DBX2: variants seen among roughly 807,000 people sequenced by gnomAD.
DBX2 encodes the protein homeobox protein DBX2.
A neutral mutation model predicts 17.7 loss-of-function variants in DBX2; 16 were observed. The ratio of observed to expected loss-of-function variants is 0.90; its 90% CI spans 0.61 to 1.37. DBX2 has a LOEUF of 1.37. DBX2 is among the 40% of genes most tolerant of loss of function. The pLI is 0.00. For synonymous variants in DBX2, 255 were observed against 183.8 expected, an observed-to-expected ratio of 1.39 and a Z score of -3.13; for missense variants, 538 against 433.8, an observed-to-expected ratio of 1.24 and a Z score of -2.13.
intron 1 of DBX2, among the ~76,000 whole-genome samples, chr12:45,050,127 C>T (rs1035278850): frequency 1.3e-5 from 2 of 152,174 alleles, no homozygotes; most frequent in Admixed American, 1.3e-4. Flanking sequence ...TTTCTGAGAG[C>T]TGGTGTCGTG....
chr12:45,050,557 TC>T lies in DBX2; in HGVS notation c.370del (p.Asp124ThrfsTer19). On this transcript the variant is annotated frameshift_variant, in exon 1 of 4. Transcript: ENST00000332700. LOFTEE classifies it high-confidence loss of function. ...TGAAGGCTGGAAGGTACAGTCTCGG[TC>T]CCCCGGAGCCCGGCCCGGCAGCCTC... The part of the protein sequence containing the change: ...SARLPGRAPG[D>X]RDCTFQPSAP... 1 of 1,551,456 alleles carries T rather than the reference TC, an allele frequency of 6.4e-7. No individual in the cohort carries two copies. Among genetic ancestry groups the T allele is most frequent in the Non-Finnish European group, 8.7e-7 (1 of 1,148,810 alleles).
chr12:45,040,638 G>T (rs1946466035), intron 1 of DBX2, among the ~76,000 whole-genome samples: 1 of 152,048 alleles, frequency 6.6e-6, no homozygotes, highest in Admixed American at 6.6e-5. Flanking sequence ...TATTTAAGAT[G>T]GGAACTTATA....
chr12:45,028,152 A>C (rs1449837777), intron 2 of DBX2, among the ~76,000 whole-genome samples: 1 of 152,200 alleles, frequency 6.6e-6, no homozygotes, highest in Non-Finnish European at 1.5e-5. Flanking sequence ...AGATCTAAGA[A>C]TCTCACACAA....
chr12:45,045,386 T>C (rs1454550429), intron 1 of DBX2, among the ~76,000 whole-genome samples: 1 of 152,244 alleles, frequency 6.6e-6, no homozygotes, highest in African/African-American at 2.4e-5. Flanking sequence ...TGTTTAAATG[T>C]TTTAAATAAC....
At chr12:45,039,326 T>TATATATAA (rs1946458913) in intron 1 of DBX2, among the ~76,000 whole-genome samples, 1 of 139,192 alleles carries the variant, frequency 7.2e-6, no homozygotes, top group Non-Finnish European at 1.6e-5. Flanking sequence ...TATATATGTA[T>TATATATAA]CACACTTTTA....
At chr12:45,036,654 T>G (rs1946442762) in intron 1 of DBX2, among the ~76,000 whole-genome samples, 1 of 152,234 alleles carries the variant, frequency 6.6e-6, no homozygotes, top group African/African-American at 2.4e-5. Context: ...TTAAATGTTA[T>G]GTGCTTACAT....
At chr12:45,030,282 C>G (rs1012310713) in intron 2 of DBX2, among the ~76,000 whole-genome samples, 1 of 152,196 alleles carries the variant, frequency 6.6e-6, no homozygotes, top group Non-Finnish European at 1.5e-5. Context: ...TTCTAAACAT[C>G]AGACCAAGAG....
At chr12:45,028,756 T>A (rs1273943309) in intron 2 of DBX2, among the ~76,000 whole-genome samples, 3 of 152,180 alleles carry the variant, frequency 2.0e-5, no homozygotes, top group Non-Finnish European at 4.4e-5. Flanking sequence ...CAGTGCCCTA[T>A]AACAAACAAG....
chr12:45,017,927 C>A (rs751722472), intron 3 of DBX2, among the ~76,000 whole-genome samples: 11 of 152,148 alleles, frequency 7.2e-5, no homozygotes, highest in Non-Finnish European at 1.5e-4. Flanking sequence ...CCAAGTATTT[C>A]TCTCAGTGAA....
At position 45,026,976 on chromosome 12, in the gene DBX2, T is replaced by C. The variant is rs569726470; in HGVS notation, c.500-3082A>G. Among the ~76,000 whole-genome samples, 345 of 152,328 alleles carry C rather than the reference T, an allele frequency of 2.3e-3. 4 individuals carry two copies. In the South Asian group the frequency reaches 0.024, roughly 11 times the overall value. On this transcript the variant is annotated intron_variant, in intron 2 of 3. Coordinates refer to ENST00000332700, the MANE Select transcript of DBX2 (RefSeq NM_001004329.3). ...CAGACTTTGACAACTAGATTCACTA[T>C]TCTTTATCAGGGATTTAAGCAGTTT...
intron 2 of DBX2, among the ~76,000 whole-genome samples, chr12:45,028,436 G>C (rs1280717237): frequency 2.0e-5 from 3 of 151,888 alleles, no homozygotes; most frequent in African/African-American, 7.3e-5. Context: ...GTATAAGTAA[G>C]TCCCAAGATT....
Position 45,023,733 on chromosome 12 carries a change from T to C in DBX2, c.661A>G (p.Ile221Val), listed in dbSNP as rs772252098. The change falls in exon 3 of 4, where the codon ATC (isoleucine) becomes GTC (valine). Residue 221 changes from isoleucine to valine, a missense_variant. Ile to Val is a conservative substitution (Grantham distance 29). Transcript: ENST00000332700. ...ISKTDRKKLAINLGLKESQVK... is the reference protein window; with the variant it reads ...ISKTDRKKLAVNLGLKESQVK... ...TGTGATTCCTTTAGTCCCAAGTTGATGGCAAGTTTCTTTCGGTCTGTTTTG... is the reference window on the plus strand; with the variant it reads ...TGTGATTCCTTTAGTCCCAAGTTGACGGCAAGTTTCTTTCGGTCTGTTTTG... The C allele has an allele frequency of 3.1e-6, 5 of 1,614,080 alleles. No individual in the cohort carries two copies. The Admixed American group carries it at 5.0e-5, about 16-fold the overall frequency.
chr12:45,050,898 G>T lies in DBX2; in HGVS notation c.30C>A (p.Ala10=). MLPSAVAAH[A]GAYWDVVASS... ...AAGCCACAACGTCCCAGTACGCACC[G>T]GCGTGGGCTGCGACCGCGCTGGGGA... The change falls in exon 1 of 4, where the codon GCC becomes GCA. Residue 10 remains alanine (A), a synonymous_variant. Coordinates refer to ENST00000332700, the MANE Select transcript of DBX2 (RefSeq NM_001004329.3). 1.3e-6 allele frequency: 2 copies of T among 1,514,334 alleles called. No homozygotes were observed. Among genetic ancestry groups the T allele is most frequent in the African/African-American group, 1.4e-5 (1 of 69,924 alleles). The allele number at this position is 1,514,334 out of a possible 1,614,324, so 93.8% of individuals were successfully genotyped here. A position where few individuals can be genotyped will look rare whatever the true frequency, so the allele number is the denominator to read the frequency against.
At chr12:45,039,307 A>G (rs911473234) in intron 1 of DBX2, among the ~76,000 whole-genome samples, 3 of 105,966 alleles carry the variant, frequency 2.8e-5, no homozygotes, top group Middle Eastern at 4.3e-3. Flanking sequence ...ATATATATAT[A>G]TATATATATA....
intron 2 of DBX2, among the ~76,000 whole-genome samples, chr12:45,031,966 A>T (rs1946413117): frequency 6.6e-6 from 1 of 152,098 alleles, no homozygotes; most frequent in South Asian, 2.1e-4. Flanking sequence ...TATAGACAAG[A>T]TCAGAGAAAA....
chr12:45,037,081 T>C (rs1399040806), intron 1 of DBX2, among the ~76,000 whole-genome samples: 2 of 152,184 alleles, frequency 1.3e-5, no homozygotes, highest in African/African-American at 2.4e-5. Flanking sequence ...ATTTTGACTA[T>C]AAAACCATCA....
rs1257505216 is a variant in DBX2, at chr12:45,015,140, T to C, written c.*1146A>G. The C allele has an allele frequency of 2.0e-5, 3 of 152,232 alleles. No homozygotes were observed. The highest frequency in any genetic ancestry group is 2.0e-4 in the Admixed American group (3 of 15,280). 9.4% of individuals were successfully genotyped at this position (152,232 alleles called of 1,614,324 possible). A position where few individuals can be genotyped will look rare whatever the true frequency, so the allele number is the denominator to read the frequency against. ...ACTTCTGGATTAACTCAGCAAATCG[T>C]TACCAGAAATGCAATTTTAGAAAGA... On this transcript the variant is annotated 3_prime_UTR_variant, in exon 4 of 4. Coordinates refer to ENST00000332700, the MANE Select transcript of DBX2 (RefSeq NM_001004329.3).
intron 2 of DBX2, among the ~76,000 whole-genome samples, chr12:45,028,432 G>T (rs1036356275): frequency 6.6e-6 from 1 of 151,958 alleles, no homozygotes; most frequent in Non-Finnish European, 1.5e-5. Context: ...ATTTGTATAA[G>T]TAAGTCCCAA....
chr12:45,017,531 T>C (rs554837721), intron 3 of DBX2, among the ~76,000 whole-genome samples: 2 of 152,340 alleles, frequency 1.3e-5, no homozygotes, highest in Admixed American at 6.5e-5. Flanking sequence ...CATTTTGTAA[T>C]GCTTTGATAA....
Sources: allele counts gnomAD v4.1 joint callset (sites outside exome capture counted in the v4.1 genomes callset), GRCh38; gene constraint gnomAD v4.1.1; transcripts MANE v1.5; gene names NCBI Gene and HGNC (gene_info 2026-07-23, HGNC 2026-07-21).